Variants in ATOSA observed in about 807,000 individuals in gnomAD.
ATOSA encodes atos homolog A.
At chr15:52,654,140 A>G in the ATOSA span, among the ~76,000 whole-genome samples, 182 of 38,378 alleles carry the variant, frequency 4.7e-3, no homozygotes, top group African/African-American at 9.0e-3. Flanking sequence ...ATTAAAGGGT[A>G]GTGATATATC....
the ATOSA span, among the ~76,000 whole-genome samples, chr15:52,693,641 AAAG>A: frequency 1.3e-5 from 2 of 152,216 alleles, no homozygotes; most frequent in Admixed American, 1.3e-4. Context: ...AAATGACATA[AAAG>A]AAGATCTAAA....
At chr15:52,625,433 A>G in the ATOSA span, among the ~76,000 whole-genome samples, 3 of 152,220 alleles carry the variant, frequency 2.0e-5, no homozygotes, top group African/African-American at 7.2e-5. Context: ...ATTTTCTAAT[A>G]TGAAAATACT....
At chr15:52,693,360 C>G in the ATOSA span, among the ~76,000 whole-genome samples, 10 of 152,250 alleles carry the variant, frequency 6.6e-5, no homozygotes, top group Non-Finnish European at 8.8e-5. Context: ...GCAGAGGTTG[C>G]AGTGAGCCAA....
At chr15:52,626,111 C>A in the ATOSA span, among the ~76,000 whole-genome samples, 4 of 152,202 alleles carry the variant, frequency 2.6e-5, no homozygotes, top group East Asian at 5.8e-4. Flanking sequence ...TGATATACAT[C>A]TTTCCCCATT....
the ATOSA span, among the ~76,000 whole-genome samples, chr15:52,671,594 CA>C: frequency 1.3e-5 from 2 of 151,952 alleles, no homozygotes; most frequent in Non-Finnish European, 2.9e-5. Context: ...AAAGAAATTA[CA>C]AAATGTGGTC....
chr15:52,663,480 A>G, the ATOSA span, among the ~76,000 whole-genome samples: 3 of 152,226 alleles, frequency 2.0e-5, no homozygotes, highest in Non-Finnish European at 4.4e-5. Context: ...AATAAATACT[A>G]CTGAATGAAA....
At chr15:52,643,766 A>T in the ATOSA span, among the ~76,000 whole-genome samples, 1 of 152,020 alleles carries the variant, frequency 6.6e-6, no homozygotes, top group African/African-American at 2.4e-5. Context: ...TACAAAAATT[A>T]GCTGGGTGTG....
the ATOSA span, among the ~76,000 whole-genome samples, chr15:52,634,230 C>G: frequency 6.0e-4 from 92 of 152,150 alleles, no homozygotes; most frequent in Middle Eastern, 6.8e-3. Flanking sequence ...GTCAGGAGTT[C>G]AAGACCAGCC....
At chr15:52,678,297 ACC>A in the ATOSA span, 3 of 588,772 alleles carry the variant, frequency 5.1e-6, no homozygotes, top group Admixed American at 8.9e-5. Flanking sequence ...CGGATCGAGC[ACC>A]CCCTTCCCTG....
At chr15:52,585,140 T>G in the ATOSA span, 1 of 468,702 alleles carries the variant, frequency 2.1e-6, no homozygotes, top group Admixed American at 4.0e-5. Flanking sequence ...TTCAATTTTT[T>G]GTTTTACAAT....
chr15:52,593,630 A>T, the ATOSA span: 1 of 1,570,494 alleles, frequency 6.4e-7, no homozygotes, highest in Non-Finnish European at 8.6e-7. Context: ...TGACACTTCA[A>T]CTGGAAGAGT....
chr15:52,694,913 T>C, the ATOSA span, among the ~76,000 whole-genome samples: 1 of 151,168 alleles, frequency 6.6e-6, no homozygotes, highest in Non-Finnish European at 1.5e-5. Context: ...TCTTTTTTTT[T>C]TTTTCTGTTT....
chr15:52,615,447 A>G, the ATOSA span, among the ~76,000 whole-genome samples: 251 of 152,320 alleles, frequency 1.6e-3, 1 homozygote, highest in Non-Finnish European at 2.8e-3. Context: ...ATTATACCTC[A>G]GGTAATAGGA....
the ATOSA span, among the ~76,000 whole-genome samples, chr15:52,617,097 A>G: frequency 6.6e-6 from 1 of 152,216 alleles, no homozygotes; most frequent in African/African-American, 2.4e-5. Flanking sequence ...ATTGAAATTC[A>G]TATGTTGAAG....
chr15:52,651,890 T>C, the ATOSA span: 1 of 1,535,572 alleles, frequency 6.5e-7, no homozygotes. Flanking sequence ...AAGCCCTTTG[T>C]TTCCACTGAA....
At chr15:52,678,179 A>G in the ATOSA span, 1 of 865,474 alleles carries the variant, frequency 1.2e-6, no homozygotes, top group East Asian at 2.5e-5. Flanking sequence ...GGACCTTGCA[A>G]GTAAACTACT....
the ATOSA span, among the ~76,000 whole-genome samples, chr15:52,603,458 C>A: frequency 1.3e-5 from 2 of 152,156 alleles, 1 homozygote; most frequent in African/African-American, 4.8e-5. Flanking sequence ...ACTATATGAC[C>A]CAGCAATCCC....
chr15:52,649,203 C>T, the ATOSA span, among the ~76,000 whole-genome samples: 1,059 of 152,130 alleles, frequency 7.0e-3, 9 homozygotes, highest in Middle Eastern at 0.017. Context: ...AAGTTTTGGC[C>T]CTGCTGACTA....
chr15:52,675,501 G>A, the ATOSA span, among the ~76,000 whole-genome samples: 3 of 152,180 alleles, frequency 2.0e-5, no homozygotes, highest in Non-Finnish European at 4.4e-5. Flanking sequence ...ACTCTTTGAA[G>A]CACAGCTGTC....
Sources: allele counts gnomAD v4.1 joint callset (sites outside exome capture counted in the v4.1 genomes callset), GRCh38; gene constraint gnomAD v4.1.1; transcripts MANE v1.5; gene names NCBI Gene and HGNC (gene_info 2026-07-23, HGNC 2026-07-21).